The following USP54 variants were observed in gnomAD, a reference collection of about 807,000 sequenced individuals.
USP54 encodes the protein ubiquitin carboxyl-terminal hydrolase 54.
Under a neutral mutation model 170.5 loss-of-function variants are expected in USP54, and 87 were observed. That is an observed-to-expected ratio of 0.51 (90% CI 0.43 to 0.61). USP54 has a LOEUF of 0.61. Among genes scored for constraint, USP54 ranks in the 20% least tolerant of loss-of-function variants. The pLI, the probability that USP54 is intolerant of heterozygous loss-of-function variation, is 0.00. For synonymous variants in USP54, 655 were observed against 742.8 expected (o/e 0.88, Z 1.92); for missense variants, 1,786 against 2,047.8 (o/e 0.87, Z 2.47).
rs776305720 is a variant in USP54, at chr10:73,545,676, T to C, written c.241-4A>G. 2 of 1,613,904 alleles carry C rather than the reference T, an allele frequency of 1.2e-6. No homozygotes were observed. The highest frequency in any genetic ancestry group is 1.7e-5 in the Admixed American group (1 of 60,006). On this transcript the variant is annotated splice_region_variant and splice_polypyrimidine_tract_variant and intron_variant, in intron 4 of 23. Coordinates refer to ENST00000687698, the MANE Select transcript of USP54 (RefSeq NM_001391956.1). ...ACTGAAACTGGTTAAAGATTCCCTA[T>C]AGGGAAGAGGTTAGACAAGAGAAAA... is the stretch of plus-strand genomic sequence containing the variant.
chr10:73,617,905 GAAATAAAAATAA>G (rs756547150), intron 1 of USP54, among the ~76,000 whole-genome samples: 9 of 149,010 alleles, frequency 6.0e-5, no homozygotes, highest in Non-Finnish European at 1.2e-4. Flanking sequence ...CCTGTCTTAA[GAAATAAAAATAA>G]AAATAAAAAT....
intron 1 of USP54, among the ~76,000 whole-genome samples, chr10:73,613,710 T>C (rs1366823850): frequency 6.7e-6 from 1 of 149,690 alleles, no homozygotes; most frequent in Non-Finnish European, 1.5e-5. Flanking sequence ...AAACCCCGTC[T>C]CTACTAAAAA....
intron 15 of USP54, 38 bp downstream of exon 15, chr10:73,529,642 G>T (rs1294694001): frequency 6.2e-7 from 1 of 1,610,096 alleles, no homozygotes; most frequent in Non-Finnish European, 8.5e-7. Flanking sequence ...TCACATTGCT[G>T]CAAGAGACAA....
chr10:73,506,096 A>G (rs1427928608), intron 20 of USP54: 1 of 152,238 alleles, frequency 6.6e-6, no homozygotes, highest in Non-Finnish European at 1.5e-5. Context: ...CAGAATAGAA[A>G]TGATCATAAT....
intron 4 of USP54, among the ~76,000 whole-genome samples, chr10:73,559,758 C>T (rs2072353960): frequency 6.7e-6 from 1 of 148,334 alleles, no homozygotes; most frequent in Non-Finnish European, 1.5e-5. Flanking sequence ...TACATATCAG[C>T]TTCACATTAG....
intron 20 of USP54, among the ~76,000 whole-genome samples, chr10:73,508,475 GAAGA>G (rs1020471575): frequency 1.7e-4 from 26 of 150,980 alleles, no homozygotes; most frequent in Non-Finnish European, 2.7e-4. Context: ...AGATTCAATA[GAAGA>G]AAGGGTTAAG....
At chr10:73,503,612 A>C (rs1334709206) in intron 22 of USP54, among the ~76,000 whole-genome samples, 1 of 152,258 alleles carries the variant, frequency 6.6e-6, no homozygotes, top group East Asian at 1.9e-4. Context: ...CATGAGAACA[A>C]ATGCTAGGCA....
chr10:73,608,508 G>A (rs1228331279), intron 1 of USP54, among the ~76,000 whole-genome samples: 1 of 152,168 alleles, frequency 6.6e-6, no homozygotes, highest in Admixed American at 6.5e-5. Context: ...TATGGCTACT[G>A]TGCTAAGAAC....
At chr10:73,507,122 T>G (rs570302237) in intron 20 of USP54, 35 of 152,004 alleles carry the variant, frequency 2.3e-4, no homozygotes, top group African/African-American at 8.4e-4. Flanking sequence ...GAAAAAAATC[T>G]GTAAAATGAT....
At position 73,498,866 on chromosome 10, in the gene USP54, T is replaced by C; in HGVS notation, c.4818A>G (p.Pro1606=). The change falls in exon 24 of 24, where the codon CCA becomes CCG. Residue 1606 remains proline (P), a synonymous_variant. Transcript: ENST00000687698. ...HPPIVHPVYP[P]SSSLHVPLRS... Reference sequence around the variant, plus strand: ...TCAGGGGTACATGAAGACTGCTAGATGGTGGGTACACAGGATGAACAATGG... The same window carrying C: ...TCAGGGGTACATGAAGACTGCTAGACGGTGGGTACACAGGATGAACAATGG... 2 of 1,513,974 alleles carry C rather than the reference T, an allele frequency of 1.3e-6. No individual in the cohort carries two copies. The highest frequency in any genetic ancestry group is 1.4e-5 in the African/African-American group (1 of 70,846). The allele number at this position is 1,513,974 out of a possible 1,614,324, so 93.8% of individuals were successfully genotyped here.
chr10:73,561,244 G>T (rs1451281410), intron 4 of USP54, among the ~76,000 whole-genome samples: 2 of 151,920 alleles, frequency 1.3e-5, no homozygotes, highest in South Asian at 2.1e-4. Context: ...AGAGAGAAGA[G>T]TTGAGCTATT....
chr10:73,554,114 T>C (rs756072681), intron 4 of USP54, among the ~76,000 whole-genome samples: 1 of 152,212 alleles, frequency 6.6e-6, no homozygotes, highest in African/African-American at 2.4e-5. Flanking sequence ...TTTTTTTCTC[T>C]CTCAGGATTT....
chr10:73,541,325 T>A, intron 9 of USP54, 50 bp downstream of exon 9: 1 of 1,610,888 alleles, frequency 6.2e-7, no homozygotes, highest in Non-Finnish European at 8.5e-7. Flanking sequence ...TCCTAAGCAA[T>A]ACTAAGACGC....
intron 18 of USP54, 41 bp from the exon 19 acceptor site, chr10:73,520,033 A>G: frequency 1.3e-6 from 2 of 1,540,844 alleles, no homozygotes; most frequent in Non-Finnish European, 1.8e-6. Context: ...AGAACACAAA[A>G]CACAAATAAA....
chr10:73,527,294 TC>T, intron 15 of USP54, among the ~76,000 whole-genome samples: 1 of 151,722 alleles, frequency 6.6e-6, no homozygotes, highest in Non-Finnish European at 1.5e-5. Context: ...GATCAAGAGA[TC>T]AAGACCATCC....
At chr10:73,619,509 G>C (rs1256860870) in intron 1 of USP54, among the ~76,000 whole-genome samples, 1 of 146,910 alleles carries the variant, frequency 6.8e-6, no homozygotes, top group Admixed American at 6.7e-5. Context: ...CTCTAGCCTG[G>C]GCGACAGAGC....
At chr10:73,510,628 C>T (rs1048545036) in intron 20 of USP54, among the ~76,000 whole-genome samples, 3 of 151,356 alleles carry the variant, frequency 2.0e-5, no homozygotes, top group Admixed American at 6.6e-5. Context: ...TTTGTATTTT[C>T]GGTAGAGACT....
chr10:73,531,957 A>AT (rs1186179707), intron 12 of USP54, among the ~76,000 whole-genome samples: 1 of 152,148 alleles, frequency 6.6e-6, no homozygotes, highest in African/African-American at 2.4e-5. Context: ...GAAAAAAAAA[A>AT]CCTAGGTCAA....
At chr10:73,590,763 A>G (rs1262236474) in intron 1 of USP54, among the ~76,000 whole-genome samples, 1 of 152,210 alleles carries the variant, frequency 6.6e-6, no homozygotes, top group African/African-American at 2.4e-5. Flanking sequence ...CATATTGCCA[A>G]AATCTTAGTG....
Sources: gnomAD v4.1 joint callset for allele counts (sites outside exome capture counted in the v4.1 genomes callset) on GRCh38, gnomAD v4.1.1 for gene constraint, MANE v1.5 for transcripts, NCBI Gene and HGNC (gene_info 2026-07-23, HGNC 2026-07-21) for gene names.